Variants in TMOD2 observed in about 807,000 individuals in gnomAD.
TMOD2 encodes tropomodulin 2.
A neutral mutation model predicts 39.9 loss-of-function variants in TMOD2; 22 were observed. The ratio of observed to expected loss-of-function variants is 0.55; its 90% confidence interval spans 0.39 to 0.79. The LOEUF is 0.79. TMOD2 is among the 30% of genes least tolerant of loss of function. TMOD2 has a pLI of 0.00. For missense variants in TMOD2, 386 were observed against 413.3 expected (o/e 0.93, Z 0.57); for synonymous variants, 123 against 146.1 (o/e 0.84, Z 1.14).
chr15:51,760,214 T>C (rs909028592), intron 1 of TMOD2, among the ~76,000 whole-genome samples: 3 of 152,228 alleles, frequency 2.0e-5, no homozygotes, highest in Admixed American at 6.5e-5. Flanking sequence ...CTTAAAACAA[T>C]ACAAACTTAT....
chr15:51,789,250 A>G (rs1285380310), intron 7 of TMOD2, among the ~76,000 whole-genome samples: 2 of 152,246 alleles, frequency 1.3e-5, no homozygotes, highest in African/African-American at 4.8e-5. Flanking sequence ...ACAAAGATCA[A>G]AAGAGACAAA....
intron 5 of TMOD2, 96 bp from the exon 6 acceptor site, chr15:51,780,947 GA>G: frequency 1.0e-6 from 1 of 957,820 alleles, no homozygotes; most frequent in Admixed American, 2.7e-5. Flanking sequence ...AGTGTTATTG[GA>G]ATCAGCATAT....
intron 1 of TMOD2, among the ~76,000 whole-genome samples, chr15:51,757,894 G>A (rs6493518): frequency 0.48 from 72,808 of 151,944 alleles, 17,725 homozygotes; most frequent in Admixed American, 0.54. Context: ...GCGAGACCCT[G>A]TCTCTACAAA....
At chr15:51,772,143 T>A (rs900687334) in intron 3 of TMOD2, among the ~76,000 whole-genome samples, 2 of 152,188 alleles carry the variant, frequency 1.3e-5, no homozygotes, top group African/African-American at 4.8e-5. Flanking sequence ...GGTTGGACCC[T>A]TTCCTTTCCC....
At chr15:51,768,165 T>G in intron 2 of TMOD2, 97 bp from the exon 3 acceptor site, 2 of 1,440,028 alleles carry the variant, frequency 1.4e-6, no homozygotes, top group Non-Finnish European at 1.9e-6. Flanking sequence ...GTATCCTTCC[T>G]GCTTCCCCAG....
intron 8 of TMOD2, among the ~76,000 whole-genome samples, chr15:51,803,168 C>CTTTTTATTTTTT (rs2056100799): frequency 1.1e-5 from 1 of 95,228 alleles, no homozygotes; most frequent in East Asian, 3.1e-4. Flanking sequence ...TCTATATCTT[C>CTTTTTATTTTTT]TTTTTTTTTT....
At chr15:51,753,530 C>G (rs923764020) in intron 1 of TMOD2, among the ~76,000 whole-genome samples, 2 of 151,696 alleles carry the variant, frequency 1.3e-5, no homozygotes, top group African/African-American at 4.8e-5. Flanking sequence ...GATGTGTGAA[C>G]TTTGAATCCT....
chr15:51,776,816 G>A, intron 4 of TMOD2, 116 bp from the exon 5 acceptor site: 3 of 800,938 alleles, frequency 3.7e-6, no homozygotes, highest in Middle Eastern at 2.5e-4. Flanking sequence ...CAAGGAAAGA[G>A]GACTCAGGGA....
intron 8 of TMOD2, among the ~76,000 whole-genome samples, chr15:51,803,936 G>A (rs1269047563): frequency 2.0e-5 from 3 of 152,240 alleles, no homozygotes; most frequent in Non-Finnish European, 2.9e-5. Context: ...TTCACCAACT[G>A]TATAGACAAA....
intron 1 of TMOD2, among the ~76,000 whole-genome samples, chr15:51,757,945 G>A (rs2055754085): frequency 6.6e-6 from 1 of 152,130 alleles, no homozygotes; most frequent in South Asian, 2.1e-4. Flanking sequence ...CATACCTGTA[G>A]TCTCAGCTGG....
intron 1 of TMOD2, among the ~76,000 whole-genome samples, chr15:51,762,577 G>A (rs984350980): frequency 6.6e-6 from 1 of 152,210 alleles, no homozygotes; most frequent in Admixed American, 6.5e-5. Context: ...CATATTTCAA[G>A]TGTACAGTTT....
At chr15:51,781,195 T>C (rs1161207094) in intron 6 of TMOD2, 21 bp downstream of exon 6, 1 of 1,581,918 alleles carries the variant, frequency 6.3e-7, no homozygotes, top group Non-Finnish European at 8.6e-7. Context: ...GTGATTATCA[T>C]CAGTCAGTTA....
In TMOD2 at chr15:51,813,985, T is replaced by C. The variant is rs914505166; in HGVS notation, c.*5531T>C. The C allele has an allele frequency of 6.6e-6, 1 of 152,222 alleles. No individual in the cohort carries two copies. Among genetic ancestry groups the C allele is most frequent in the South Asian group, 2.1e-4 (1 of 4,824 alleles). 9.4% of individuals were successfully genotyped at this position (152,222 alleles called of 1,614,324 possible). On this transcript the variant is annotated 3_prime_UTR_variant, in exon 10 of 10. Transcript: ENST00000249700. ...GTGTGTCATCAGGGACTGGAGTTAT[T>C]TCAGCTCCCATGTAGAGGTGGGAGA...
chr15:51,766,667 C>T, intron 2 of TMOD2, 100 bp downstream of exon 2: 1 of 1,323,806 alleles, frequency 7.6e-7, no homozygotes, highest in African/African-American at 1.5e-5. Flanking sequence ...GCTCGGAATG[C>T]ACATTTTCTT....
chr15:51,761,503 G>T (rs2055780596), intron 1 of TMOD2, among the ~76,000 whole-genome samples: 1 of 151,882 alleles, frequency 6.6e-6, no homozygotes, highest in African/African-American at 2.4e-5. Flanking sequence ...GAGGCAGGAG[G>T]ATTGCTTGAG....
intron 1 of TMOD2, among the ~76,000 whole-genome samples, chr15:51,752,179 T>C (rs1407147246): frequency 6.6e-6 from 1 of 152,116 alleles, no homozygotes; most frequent in Non-Finnish European, 1.5e-5. Flanking sequence ...CCGGCGTCTT[T>C]CCTGAGATCG....
At chr15:51,783,153 A>C (rs994358666) in intron 7 of TMOD2, 2 of 275,386 alleles carry the variant, frequency 7.3e-6, no homozygotes, top group Non-Finnish European at 1.4e-5. Flanking sequence ...ATTGGATATC[A>C]TGACCCTAAA....
chr15:51,758,862 A>G (rs755186671), intron 1 of TMOD2, among the ~76,000 whole-genome samples: 7 of 152,112 alleles, frequency 4.6e-5, no homozygotes, highest in Non-Finnish European at 1.0e-4. Context: ...AGAGAACAAC[A>G]TAAGGCATGA....
In TMOD2 at chr15:51,773,757, A is replaced by T; in HGVS notation, c.329A>T (p.Glu110Val). ...PKEKPIETRK[E>V]EKVTLDPELE... ...GAAAAGCCTATAGAAACTCGTAAAGAAGAAAAAGTGACCCTTGACCCAGAA... is the reference window on the plus strand; with the variant it reads ...GAAAAGCCTATAGAAACTCGTAAAGTAGAAAAAGTGACCCTTGACCCAGAA... The change falls in exon 4 of 10, where the codon GAA (glutamate) becomes GTA (valine). Residue 110 changes from glutamate to valine, a missense_variant. By Grantham distance (121) the Glu-to-Val change is moderately radical (BLOSUM62 -2). Coordinates refer to ENST00000249700, the MANE Select transcript of TMOD2 (RefSeq NM_014548.4). 6.2e-7 allele frequency: 1 copy of T among 1,613,394 alleles called. No individual in the cohort carries two copies. Among genetic ancestry groups the T allele is most frequent in the Non-Finnish European group, 8.5e-7 (1 of 1,179,766 alleles).
Sources: allele counts gnomAD v4.1 joint callset (sites outside exome capture counted in the v4.1 genomes callset), GRCh38; gene constraint gnomAD v4.1.1; transcripts MANE v1.5; gene names NCBI Gene and HGNC (gene_info 2026-07-23, HGNC 2026-07-21).